The following CXCL12 variants were observed in gnomAD, a reference collection of about 807,000 sequenced individuals.
CXCL12 encodes the protein C-X-C motif chemokine ligand 12.
Under a neutral mutation model 10.7 loss-of-function variants are expected in CXCL12, and 4 were observed. The observed-to-expected ratio is 0.37, with a 90% CI of 0.18 to 0.86. The LOEUF is 0.86. CXCL12 is among the 40% of genes least tolerant of loss of function. CXCL12 has a pLI of 0.43. For synonymous variants in CXCL12, 54 were observed against 45.4 expected (o/e 1.19, Z -0.77); for missense variants, 122 against 110.4 (o/e 1.10, Z -0.47).
chr10:44,385,040 C>A lies in CXCL12; in HGVS notation c.-35G>T, dbSNP rs1839766561. On this transcript the variant is annotated 5_prime_UTR_variant, in exon 1 of 3. Transcript: ENST00000343575. ...GGGCGGGCGGGCGGGCGGACGAGCG[C>A]GGGTCGGGGGCCGGACGCCGAGCGG... is the stretch of plus-strand genomic sequence containing the variant. 7.0e-7 allele frequency: 1 copy of A among 1,430,470 alleles called. No homozygotes were observed. Among genetic ancestry groups the A allele is most frequent in the East Asian group, 2.9e-5 (1 of 33,986 alleles). The allele number at this position is 1,430,470 out of a possible 1,614,324, so 88.6% of individuals were successfully genotyped here. A position where few individuals can be genotyped will look rare whatever the true frequency, so the allele number is the denominator to read the frequency against.
In CXCL12 at chr10:44,377,597, A is replaced by G; in HGVS notation, c.*1036T>C. 1 of 1,491,698 alleles carries G rather than the reference A, an allele frequency of 6.7e-7. No homozygotes were observed. Among genetic ancestry groups the G allele is most frequent in the East Asian group, 2.5e-5 (1 of 40,488 alleles). 92.4% of individuals were successfully genotyped at this position (1,491,698 alleles called of 1,614,324 possible). ...TTATTCACTGATTTTTTCGCTTCTG[A>G]TTTCGGAAACCTCAGAGTTTGTTAG... On this transcript the variant is annotated 3_prime_UTR_variant, in exon 3 of 3. Coordinates refer to ENST00000343575, the MANE Select transcript of CXCL12 (RefSeq NM_199168.4).
In CXCL12 at chr10:44,378,561, C is replaced by A; in HGVS notation, c.*72G>T. The A allele has an allele frequency of 6.2e-7, 1 of 1,609,004 alleles. No individual in the cohort carries two copies. ...TAAGGCCCCCTCCCCCACGTCTTTG[C>A]CCTTTCATCTCTCACAAGGTTTTAG... On this transcript the variant is annotated 3_prime_UTR_variant, in exon 3 of 3. Transcript: ENST00000343575.
chr10:44,371,823 CG>C (rs1244658978), downstream of CXCL12: 2 of 152,398 alleles, frequency 1.3e-5, no homozygotes, highest in African/African-American at 4.8e-5. Flanking sequence ...CAAAAGTATT[CG>C]TAAGACTGAA....
chr10:44,377,494 T>C lies in CXCL12; in HGVS notation c.*1139A>G, dbSNP rs1405708457. ...TGTGGATCGCATTTATGCATGGAAA[T>C]GTCACCTTGCCAACAGTTCTGATTG... On this transcript the variant is annotated 3_prime_UTR_variant, in exon 3 of 3. Coordinates refer to ENST00000343575, the MANE Select transcript of CXCL12 (RefSeq NM_199168.4). 3.0e-6 allele frequency: 4 copies of C among 1,346,492 alleles called. No individual in the cohort carries two copies. Among genetic ancestry groups the C allele is most frequent in the Non-Finnish European group, 3.8e-6 (4 of 1,053,300 alleles). The allele number at this position is 1,346,492 out of a possible 1,614,324, so 83.4% of individuals were successfully genotyped here.
At chr10:44,371,496 G>C (rs1346585273), downstream of CXCL12, 2 of 229,110 alleles carry the variant, frequency 8.7e-6, no homozygotes, top group East Asian at 1.6e-4. Context: ...TTTATAACTA[G>C]TAAAGATCCC....
At chr10:44,371,856 A>G (rs2522), downstream of CXCL12, 6,961 of 152,622 alleles carry the variant, frequency 0.046, 186 homozygotes, top group African/African-American at 0.075. Flanking sequence ...ACAAAAACCC[A>G]CAAGTGCTTG....
chr10:44,377,922 C>G lies in CXCL12; in HGVS notation c.*711G>C. ...CTGATCAGGCTACAGAAATGAGAAG[C>G]AGAAGCAAGATTAAGCATGCTCTCG... On this transcript the variant is annotated 3_prime_UTR_variant, in exon 3 of 3. Coordinates refer to ENST00000343575, the MANE Select transcript of CXCL12 (RefSeq NM_199168.4). The G allele has an allele frequency of 1.3e-6, 2 of 1,547,046 alleles. No individual in the cohort carries two copies. Among genetic ancestry groups the G allele is most frequent in the Non-Finnish European group, 1.7e-6 (2 of 1,155,138 alleles).
chr10:44,377,723 T>C lies in CXCL12; in HGVS notation c.*910A>G, dbSNP rs768654693. The C allele has an allele frequency of 1.3e-6, 2 of 1,598,242 alleles. No individual in the cohort carries two copies. Among genetic ancestry groups the C allele is most frequent in the Non-Finnish European group, 1.7e-6 (2 of 1,179,772 alleles). ...TTGCATTTGATTCTGTAAAGACTTG[T>C]CTTTTGCGGGTAAGCAGGGGGACCA... On this transcript the variant is annotated 3_prime_UTR_variant, in exon 3 of 3. Coordinates refer to ENST00000343575, the MANE Select transcript of CXCL12 (RefSeq NM_199168.4).
At chr10:44,372,768 A>G, downstream of CXCL12, 1 of 1,439,232 alleles carries the variant, frequency 6.9e-7, no homozygotes, top group Non-Finnish European at 9.1e-7. Flanking sequence ...CTGCTGCCTC[A>G]GCTCAGGGTA....
chr10:44,378,925 T>G (rs553911556), intron 2 of CXCL12, among the ~76,000 whole-genome samples: 1 of 152,254 alleles, frequency 6.6e-6, no homozygotes, highest in African/African-American at 2.4e-5. Flanking sequence ...TGCAGAGACA[T>G]GGAAATGTGA....
intron 1 of CXCL12, among the ~76,000 whole-genome samples, chr10:44,381,851 T>C (rs1330357755): frequency 6.6e-6 from 1 of 152,208 alleles, no homozygotes. Flanking sequence ...TCTAAGAATA[T>C]TTGGTCCAGA....
chr10:44,372,968 G>C, downstream of CXCL12: 1 of 1,535,938 alleles, frequency 6.5e-7, no homozygotes, highest in Non-Finnish European at 8.7e-7. Context: ...CTGACCATGG[G>C]GCCAGGCTCC....
At position 44,377,214 on chromosome 10, in the gene CXCL12, C is replaced by T. The variant is rs1291753933; in HGVS notation, c.*1419G>A. The T allele has an allele frequency of 1.0e-6, 1 of 987,118 alleles. No homozygotes were observed. Among genetic ancestry groups the T allele is most frequent in the East Asian group, 1.1e-4 (1 of 8,846 alleles). 61.1% of individuals were successfully genotyped at this position (987,118 alleles called of 1,614,324 possible). A position where few individuals can be genotyped will look rare whatever the true frequency, so the allele number is the denominator to read the frequency against. ...ATTTTAGTACAAGTGAAAAAATACA[C>T]TGTGGCTAACATTGAAAAGCTGCAA... is the stretch of plus-strand genomic sequence containing the variant. On this transcript the variant is annotated 3_prime_UTR_variant, in exon 3 of 3. Coordinates refer to ENST00000343575, the MANE Select transcript of CXCL12 (RefSeq NM_199168.4).
intron 1 of CXCL12, 21 bp downstream of exon 1, chr10:44,384,924 C>A: frequency 6.5e-7 from 1 of 1,542,928 alleles, no homozygotes; most frequent in Admixed American, 1.8e-5. Context: ...TCGCCAGGGC[C>A]TCCCCGCCGA....
Position 44,377,829 on chromosome 10 carries a change from A to G in CXCL12, c.*804T>C, listed in dbSNP as rs754214829. On this transcript the variant is annotated 3_prime_UTR_variant, in exon 3 of 3. Coordinates refer to ENST00000343575, the MANE Select transcript of CXCL12 (RefSeq NM_199168.4). ...TCACAGAGGGCCCGAGCTGTGGGGCAGGCCCTGGGAGGAGAGGGATGCAGG... is the reference window on the plus strand; with the variant it reads ...TCACAGAGGGCCCGAGCTGTGGGGCGGGCCCTGGGAGGAGAGGGATGCAGG... The G allele has an allele frequency of 1.3e-6, 2 of 1,595,644 alleles. No individual in the cohort carries two copies. Among genetic ancestry groups the G allele is most frequent in the African/African-American group, 1.3e-5 (1 of 75,024 alleles).
chr10:44,378,847 G>C lies in CXCL12; in HGVS notation c.180-124C>G, dbSNP rs889904815. 3.1e-6 allele frequency: 3 copies of C among 959,116 alleles called. No homozygotes were observed. The Admixed American group carries it at 5.6e-5, about 18-fold the overall frequency. 59.4% of individuals were successfully genotyped at this position (959,116 alleles called of 1,614,324 possible). On this transcript the variant is annotated intron_variant, in intron 2 of 2. Transcript: ENST00000343575. ...TGGCACCCCGTGCTCCACTTGGTAC[G>C]CTCAGGCTCCAGAGGTGCTCGCGGT...
At chr10:44,384,067 G>C (rs1469865065) in intron 1 of CXCL12, among the ~76,000 whole-genome samples, 1 of 152,212 alleles carries the variant, frequency 6.6e-6, no homozygotes, top group African/African-American at 2.4e-5. Context: ...CCAGTGAAAC[G>C]GGACACCACG....
At chr10:44,381,081 T>C (rs978260519) in intron 1 of CXCL12, among the ~76,000 whole-genome samples, 2 of 152,190 alleles carry the variant, frequency 1.3e-5, no homozygotes, top group African/African-American at 4.8e-5. Flanking sequence ...GCTCAGCTTC[T>C]ACAGGGCAAG....
intron 2 of CXCL12, among the ~76,000 whole-genome samples, chr10:44,379,127 GA>G (rs1326615954): frequency 6.6e-6 from 1 of 152,108 alleles, no homozygotes; most frequent in Non-Finnish European, 1.5e-5. Context: ...GGTACCTGGG[GA>G]GGGGAGAATG....
Sources: allele counts gnomAD v4.1 joint callset (sites outside exome capture counted in the v4.1 genomes callset), GRCh38; gene constraint gnomAD v4.1.1; transcripts MANE v1.5; gene names NCBI Gene and HGNC (gene_info 2026-07-23, HGNC 2026-07-21).